Variants in PDZD2 observed in about 807,000 individuals in gnomAD.
The protein encoded by PDZD2 is PDZ domain-containing protein 2.
PDZD2 carries 90 observed loss-of-function variants against 220.7 expected under a neutral mutation model. The observed-to-expected ratio is 0.41, with a 90% CI of 0.34 to 0.49. The LOEUF (loss-of-function observed/expected upper bound fraction) is 0.49. Among genes scored for constraint, PDZD2 ranks in the 20% least tolerant of loss-of-function variants. The pLI is 0.28. For missense variants in PDZD2, 3,174 were observed against 3,608.5 expected (o/e 0.88, Z 3.08); for synonymous variants, 1,375 against 1,450.5 (o/e 0.95, Z 1.18).
Position 32,074,017 on chromosome 5 carries a change from A to T in PDZD2, c.2911A>T (p.Ser971Cys). Reference sequence around the variant, plus strand: ...AGGCTGCTACGATGCCAACGATGCCAGTGATGAGGAAGAGTTTGACAGAGA... The same window carrying T: ...AGGCTGCTACGATGCCAACGATGCCTGTGATGAGGAAGAGTTTGACAGAGA... ...KVGCYDANDA[S>C]DEEEFDREGD... is the part of the protein sequence containing the mutation. The change falls in exon 18 of 25, where the codon AGT (serine) becomes TGT (cysteine). Residue 971 changes from serine to cysteine, a missense_variant. This residue lies in a region of PDZD2 where 1,861 missense variants were observed against 2,001.0 expected (regional missense o/e 0.93). Coordinates refer to ENST00000438447, the MANE Select transcript of PDZD2 (RefSeq NM_178140.4). 1 of 1,614,164 alleles carries T rather than the reference A, an allele frequency of 6.2e-7. No individual in the cohort carries two copies. The highest frequency in any genetic ancestry group is 8.5e-7 in the Non-Finnish European group (1 of 1,180,010).
chr5:31,715,502 A>G lies in PDZD2; in HGVS notation c.-361+76065A>G, dbSNP rs188522878. 3.9e-5 allele frequency among the ~76,000 whole-genome samples: 6 copies of G among 152,394 alleles called. No homozygotes were observed. In the East Asian group the frequency reaches 9.6e-4, roughly 24 times the overall value. ...ACAGAGGCAATTAATGTTATTTATG[A>G]CATACTAGAAGCTGGATGACATCTT... On this transcript the variant is annotated intron_variant, in intron 1 of 24. Coordinates refer to ENST00000438447, the MANE Select transcript of PDZD2 (RefSeq NM_178140.4).
At chr5:32,009,655 C>T (rs761679746) in intron 5 of PDZD2, among the ~76,000 whole-genome samples, 1 of 151,696 alleles carries the variant, frequency 6.6e-6, no homozygotes, top group Non-Finnish European at 1.5e-5. Context: ...CCACTTGAGC[C>T]CAGAGGTTTG....
At chr5:31,728,360 A>G (rs189446437) in intron 1 of PDZD2, among the ~76,000 whole-genome samples, 3 of 152,282 alleles carry the variant, frequency 2.0e-5, no homozygotes, top group East Asian at 1.9e-4. Context: ...CTCTACTTAC[A>G]TGTATTCCTG....
chr5:31,723,642 A>G (rs1202323727), intron 1 of PDZD2, among the ~76,000 whole-genome samples: 1 of 151,946 alleles, frequency 6.6e-6, no homozygotes, highest in Non-Finnish European at 1.5e-5. Context: ...TTTGAGACGA[A>G]GTCTCGCTCT....
chr5:31,992,180 C>T (rs1751270247), intron 3 of PDZD2, among the ~76,000 whole-genome samples: 2 of 152,112 alleles, frequency 1.3e-5, no homozygotes, highest in South Asian at 4.1e-4. Context: ...TTTGGACACT[C>T]CCCTCCTATC....
chr5:31,651,192 G>A (rs998117279), intron 1 of PDZD2, among the ~76,000 whole-genome samples: 3 of 130,488 alleles, frequency 2.3e-5, no homozygotes, highest in African/African-American at 6.7e-5. Context: ...TCCAAGACCC[G>A]TAACTGTAGG....
intron 1 of PDZD2, among the ~76,000 whole-genome samples, chr5:31,695,056 G>A (rs996282962): frequency 4.0e-5 from 6 of 151,862 alleles, no homozygotes; most frequent in African/African-American, 7.3e-5. Flanking sequence ...CCCAGGAGGC[G>A]GAGGTTGCAG....
chr5:31,703,464 C>T (rs551156204), intron 1 of PDZD2, among the ~76,000 whole-genome samples: 3 of 151,598 alleles, frequency 2.0e-5, no homozygotes, highest in South Asian at 2.1e-4. Flanking sequence ...CATCACACAC[C>T]GGGACCTGTC....
intron 1 of PDZD2, among the ~76,000 whole-genome samples, chr5:31,762,622 C>T (rs959848519): frequency 1.3e-5 from 2 of 152,176 alleles, no homozygotes; most frequent in African/African-American, 4.8e-5. Context: ...ACAGGCCTTG[C>T]CTTCCCTTCA....
chr5:31,689,353 A>ATATATATTTTTTTTTTT, intron 1 of PDZD2, among the ~76,000 whole-genome samples: 18 of 35,138 alleles, frequency 5.1e-4, no homozygotes, highest in African/African-American at 8.3e-4. Context: ...ATATATATAT[A>ATATATATTTTTTTTTTT]TTTTTTTTTT....
chr5:32,044,253 C>A (rs1737714024), intron 7 of PDZD2, among the ~76,000 whole-genome samples: 1 of 152,128 alleles, frequency 6.6e-6, no homozygotes, highest in Non-Finnish European at 1.5e-5. Flanking sequence ...CGCTTGAACC[C>A]AGGAAGCGGA....
intron 8 of PDZD2, 166 bp from the exon 9 acceptor site, chr5:32,052,445 A>G (rs1738653318): frequency 1.6e-6 from 1 of 623,048 alleles, no homozygotes; most frequent in African/African-American, 1.8e-5. Flanking sequence ...GGTGCCCAGC[A>G]CCTGCGATAG....
chr5:31,885,992 C>G (rs192578554), intron 2 of PDZD2, among the ~76,000 whole-genome samples: 1 of 151,850 alleles, frequency 6.6e-6, no homozygotes, highest in Non-Finnish European at 1.5e-5. Flanking sequence ...CTCTGCCTCC[C>G]GGGTTCAAGT....
intron 2 of PDZD2, chr5:31,908,887 A>T: frequency 2.4e-6 from 1 of 411,208 alleles, no homozygotes; most frequent in Admixed American, 3.6e-5. Flanking sequence ...CCTACCAAAA[A>T]TACAGAAAAT....
intron 1 of PDZD2, among the ~76,000 whole-genome samples, chr5:31,753,523 C>T (rs926045881): frequency 6.6e-6 from 1 of 152,102 alleles, no homozygotes; most frequent in Non-Finnish European, 1.5e-5. Flanking sequence ...TTGCTTGAAT[C>T]CAGGGAGGTG....
chr5:31,763,460 G>A (rs182491741), intron 1 of PDZD2, among the ~76,000 whole-genome samples: 22 of 152,170 alleles, frequency 1.4e-4, no homozygotes, highest in Non-Finnish European at 8.8e-5. Context: ...ACCACCTACC[G>A]CAAGGACAGA....
chr5:32,086,843 A>ATTTTTTT (rs10710224), intron 19 of PDZD2, among the ~76,000 whole-genome samples: 1 of 85,208 alleles, frequency 1.2e-5, no homozygotes, highest in Non-Finnish European at 2.2e-5. Flanking sequence ...TGCCCAGCTA[A>ATTTTTTT]TTTTTTTTTT....
intron 17 of PDZD2, 108 bp downstream of exon 17, chr5:32,072,425 A>G (rs1213927496): frequency 4.4e-6 from 4 of 901,258 alleles, no homozygotes; most frequent in Non-Finnish European, 6.6e-6. Context: ...TGGCGCTGTA[A>G]TACGAGAAAA....
intron 4 of PDZD2, among the ~76,000 whole-genome samples, chr5:31,999,044 A>G (rs1013540626): frequency 2.0e-5 from 3 of 152,256 alleles, no homozygotes; most frequent in African/African-American, 7.2e-5. Context: ...GTGCCATGCC[A>G]AGCCCTGACC....
Sources: allele counts gnomAD v4.1 joint callset (sites outside exome capture counted in the v4.1 genomes callset), GRCh38; gene constraint gnomAD v4.1.1; regional missense constraint gnomAD v4.1.1; transcripts MANE v1.5; gene names NCBI Gene and HGNC (gene_info 2026-07-23, HGNC 2026-07-21).